The following OR6N1 variants were observed in gnomAD, a reference collection of about 807,000 sequenced individuals.
The protein encoded by OR6N1 is olfactory receptor 6N1.
For synonymous variants in OR6N1, 170 were observed against 150.7 expected (o/e 1.13, Z -0.94); for missense variants, 394 against 371.7 (o/e 1.06, Z -0.49).
the OR6N1 span, among the ~76,000 whole-genome samples, chr1:158,785,368 T>C: frequency 2.0e-5 from 3 of 152,164 alleles, no homozygotes; most frequent in Admixed American, 6.5e-5. Context: ...ATTTGACAAG[T>C]ATTTAGGTTC....
chr1:158,801,243 G>C, the OR6N1 span, among the ~76,000 whole-genome samples: 2 of 151,968 alleles, frequency 1.3e-5, no homozygotes, highest in African/African-American at 4.8e-5. Flanking sequence ...GGGTGGCGGT[G>C]GGGAGAGAGA....
chr1:158,839,520 T>G, the OR6N1 span, among the ~76,000 whole-genome samples: 4 of 152,166 alleles, frequency 2.6e-5, no homozygotes, highest in Admixed American at 6.5e-5. Flanking sequence ...ATCTGACATT[T>G]AAACTATGCC....
At chr1:158,768,671 C>T (rs1156815934) in intron 1 of OR6N1, among the ~76,000 whole-genome samples, 1 of 152,202 alleles carries the variant, frequency 6.6e-6, no homozygotes, top group African/African-American at 2.4e-5. Flanking sequence ...AAAACCTTTG[C>T]TGTAGCTCTT....
At chr1:158,810,431 C>T in the OR6N1 span, among the ~76,000 whole-genome samples, 1 of 152,188 alleles carries the variant, frequency 6.6e-6, no homozygotes, top group Non-Finnish European at 1.5e-5. Context: ...GGGATCCTTG[C>T]TACATGTTCC....
chr1:158,792,968 A>C, the OR6N1 span, among the ~76,000 whole-genome samples: 1 of 152,002 alleles, frequency 6.6e-6, no homozygotes, highest in Non-Finnish European at 1.5e-5. Flanking sequence ...GACTTTGTTC[A>C]TTTCTTTTTT....
chr1:158,808,121 CTTTTTTTTTTTTTTTTTTTT>C, the OR6N1 span, among the ~76,000 whole-genome samples: 30 of 39,580 alleles, frequency 7.6e-4, no homozygotes, highest in Admixed American at 6.4e-3. Context: ...CAATGACTGC[CTTTTTTTTTTTTTTTTTTTT>C]TTTTTTTTTT....
At chr1:158,804,815 T>C in the OR6N1 span, among the ~76,000 whole-genome samples, 2 of 152,282 alleles carry the variant, frequency 1.3e-5, no homozygotes, top group East Asian at 1.9e-4. Context: ...ATTTATTTAA[T>C]ACATTTTTGA....
chr1:158,818,000 A>G, the OR6N1 span, among the ~76,000 whole-genome samples: 5 of 152,220 alleles, frequency 3.3e-5, no homozygotes, highest in African/African-American at 4.8e-5. Flanking sequence ...AAGTAAAACC[A>G]GAGTGATGAT....
chr1:158,797,731 TATC>T, the OR6N1 span, among the ~76,000 whole-genome samples: 5 of 151,986 alleles, frequency 3.3e-5, no homozygotes, highest in Non-Finnish European at 7.4e-5. Flanking sequence ...TGAATGATAT[TATC>T]ATCTATTTTT....
At chr1:158,825,298 G>A in the OR6N1 span, among the ~76,000 whole-genome samples, 1 of 152,062 alleles carries the variant, frequency 6.6e-6, no homozygotes, top group African/African-American at 2.4e-5. Context: ...AATTAGCCAG[G>A]CATGGTGGTG....
chr1:158,769,544 A>G (rs1657363686), intron 1 of OR6N1, among the ~76,000 whole-genome samples: 1 of 152,220 alleles, frequency 6.6e-6, no homozygotes, highest in East Asian at 1.9e-4. Context: ...TATTTGAAGC[A>G]AATGGAACTG....
the OR6N1 span, among the ~76,000 whole-genome samples, chr1:158,806,299 A>C: frequency 5.5e-3 from 838 of 152,308 alleles, 10 homozygotes; most frequent in African/African-American, 0.019. Flanking sequence ...TTGGACCCTT[A>C]GGTCAAAAGA....
chr1:158,797,697 G>A, the OR6N1 span, among the ~76,000 whole-genome samples: 1 of 151,998 alleles, frequency 6.6e-6, no homozygotes, highest in Non-Finnish European at 1.5e-5. Context: ...AATATTTGGA[G>A]GAAGACTTTT....
chr1:158,832,172 G>A, the OR6N1 span, among the ~76,000 whole-genome samples: 2 of 151,938 alleles, frequency 1.3e-5, no homozygotes, highest in African/African-American at 2.4e-5. Flanking sequence ...TTTGTGGCAA[G>A]GTATAATGAA....
At chr1:158,796,623 G>C in the OR6N1 span, among the ~76,000 whole-genome samples, 1 of 151,932 alleles carries the variant, frequency 6.6e-6, no homozygotes, top group African/African-American at 2.4e-5. Context: ...TTTCTAAATT[G>C]CTTTTTTGTA....
rs1657243405 is a variant in OR6N1, at chr1:158,765,932, A to T, written c.751T>A (p.Phe251Ile). 1 of 1,614,062 alleles carries T rather than the reference A, an allele frequency of 6.2e-7. No homozygotes were observed. The highest frequency in any genetic ancestry group is 1.1e-5 in the South Asian group (1 of 91,088). The change falls in exon 2 of 2, where the codon TTC becomes ATC. Residue 251 changes from phenylalanine (F) to isoleucine (I), a missense_variant. Phe to Ile is a conservative substitution (Grantham distance 21). Coordinates refer to ENST00000641846, the MANE Select transcript of OR6N1 (RefSeq NM_001005185.2). ...TACATGGAAAGGATGCTCCCATAGA[A>T]GATGAGAACCACAGTGAAGTGGGAG... Reference protein sequence around the residue: ...CASHFTVVLIFYGSILSMYVQ... With the variant: ...CASHFTVVLIIYGSILSMYVQ...
At chr1:158,791,110 G>A in the OR6N1 span, among the ~76,000 whole-genome samples, 1 of 152,200 alleles carries the variant, frequency 6.6e-6, no homozygotes, top group South Asian at 2.1e-4. Context: ...TCCCTGGAAT[G>A]AAACCAACTT....
At chr1:158,831,951 T>C in the OR6N1 span, among the ~76,000 whole-genome samples, 28,731 of 152,070 alleles carry the variant, frequency 0.19, 2,913 homozygotes, top group Admixed American at 0.27. Flanking sequence ...TAAACCAGGA[T>C]ATAAATCTCT....
chr1:158,768,148 AATCTTTTTT>A (rs1225289969), intron 1 of OR6N1, among the ~76,000 whole-genome samples: 1 of 151,126 alleles, frequency 6.6e-6, no homozygotes, highest in Non-Finnish European at 1.5e-5. Flanking sequence ...GTCAGTGTTT[AATCTTTTTT>A]TTTTCTCTTC....
Sources: gnomAD v4.1 joint callset for allele counts (sites outside exome capture counted in the v4.1 genomes callset) on GRCh38, gnomAD v4.1.1 for gene constraint, MANE v1.5 for transcripts, NCBI Gene and HGNC (gene_info 2026-07-23, HGNC 2026-07-21) for gene names.